Variants in RIMS1 observed in about 807,000 individuals in gnomAD.
RIMS1 encodes regulating synaptic membrane exocytosis 1, also known as regulating synaptic membrane exocytosis protein 1.
Under a neutral mutation model 214.1 loss-of-function variants are expected in RIMS1, and 83 were observed. The observed-to-expected ratio is 0.39, with a 90% CI of 0.32 to 0.47. RIMS1 has a LOEUF of 0.47. Ranked by LOEUF, RIMS1 falls within the 20% of genes least tolerant of loss-of-function variation. The pLI, the probability that RIMS1 is intolerant of heterozygous loss-of-function variation, is 0.99. For missense variants in RIMS1, 2,050 were observed against 2,161.8 expected (o/e 0.95, Z 1.03); for synonymous variants, 793 against 786.8 (o/e 1.01, Z -0.13).
intron 2 of RIMS1, among the ~76,000 whole-genome samples, chr6:72,081,506 A>G (rs898634458): frequency 3.9e-5 from 6 of 152,174 alleles, no homozygotes; most frequent in Non-Finnish European, 4.4e-5. Context: ...GACTGCTCCT[A>G]GCTTTGTATG....
At chr6:71,917,567 T>C (rs937446995) in intron 1 of RIMS1, among the ~76,000 whole-genome samples, 26 of 152,144 alleles carry the variant, frequency 1.7e-4, no homozygotes, top group African/African-American at 5.3e-4. Flanking sequence ...GAAGGTCACC[T>C]AGGGCTTGGT....
At chr6:72,226,508 C>T (rs1444051441) in intron 6 of RIMS1, among the ~76,000 whole-genome samples, 1 of 151,876 alleles carries the variant, frequency 6.6e-6, no homozygotes, top group Non-Finnish European at 1.5e-5. Context: ...TTTCTTACTA[C>T]CATCAATCCT....
intron 6 of RIMS1, among the ~76,000 whole-genome samples, chr6:72,198,607 A>G (rs2051403686): frequency 6.6e-6 from 1 of 152,032 alleles, no homozygotes; most frequent in Non-Finnish European, 1.5e-5. Context: ...TAAGTATACT[A>G]TAGTTAACAA....
chr6:72,347,929 G>C (rs910350784), intron 29 of RIMS1, among the ~76,000 whole-genome samples: 2 of 151,870 alleles, frequency 1.3e-5, no homozygotes, highest in African/African-American at 4.8e-5. Flanking sequence ...AGTAAATCAA[G>C]GGTAATGACC....
intron 1 of RIMS1, among the ~76,000 whole-genome samples, chr6:71,941,773 A>G (rs1440084001): frequency 1.3e-5 from 2 of 152,160 alleles, no homozygotes; most frequent in African/African-American, 2.4e-5. Context: ...TTCGTGGGAC[A>G]TTATCTTTCA....
chr6:72,194,485 C>A (rs1404391911), intron 6 of RIMS1, among the ~76,000 whole-genome samples: 2 of 151,816 alleles, frequency 1.3e-5, no homozygotes, highest in African/African-American at 4.8e-5. Context: ...TATGTATTTA[C>A]TGAGGTTAAA....
At chr6:72,350,577 T>C (rs572758163) in intron 29 of RIMS1, among the ~76,000 whole-genome samples, 20 of 144,552 alleles carry the variant, frequency 1.4e-4, no homozygotes, top group African/African-American at 4.8e-4. Flanking sequence ...GTAATGCCAG[T>C]TGTCTATTCT....
chr6:72,200,683 C>T (rs2051794752), intron 6 of RIMS1, among the ~76,000 whole-genome samples: 1 of 152,124 alleles, frequency 6.6e-6, no homozygotes, highest in Non-Finnish European at 1.5e-5. Context: ...ATAAACAATT[C>T]TCCCTCTTAA....
chr6:72,351,950 G>A (rs1256951461), intron 29 of RIMS1, among the ~76,000 whole-genome samples: 1 of 152,094 alleles, frequency 6.6e-6, no homozygotes, highest in Non-Finnish European at 1.5e-5. Context: ...ATTTACTTAT[G>A]AGGAAATTGA....
intron 2 of RIMS1, among the ~76,000 whole-genome samples, chr6:72,023,955 AC>A (rs1476758512): frequency 2.0e-5 from 3 of 152,106 alleles, no homozygotes; most frequent in African/African-American, 7.2e-5. Context: ...GGAAAGGTTG[AC>A]TCCTTCAAAG....
chr6:72,152,770 GTA>G (rs1188598707), intron 4 of RIMS1, among the ~76,000 whole-genome samples: 2 of 118,888 alleles, frequency 1.7e-5, no homozygotes, highest in Admixed American at 1.0e-4. Flanking sequence ...TGGAATATAT[GTA>G]TATATATGTA....
chr6:72,281,218 A>T (rs1246078906), intron 23 of RIMS1, among the ~76,000 whole-genome samples: 2 of 152,138 alleles, frequency 1.3e-5, no homozygotes, highest in South Asian at 4.1e-4. Flanking sequence ...CAATTTTCTT[A>T]TTCTTAAAAA....
Position 72,258,107 on chromosome 6 carries a change from T to C in RIMS1, c.2771-18T>C, listed in dbSNP as rs1350199083. The stretch of plus-strand genomic sequence containing the variant: ...AGAAGAATACTGACTAAATTTTTTC[T>C]GTGTGTACTTTTGCCAGTAGGCTAT... On this transcript the variant is annotated intron_variant, in intron 16 of 33. Transcript: ENST00000521978. The C allele has an allele frequency of 3.7e-6, 6 of 1,608,244 alleles. No homozygotes were observed. The highest frequency in any genetic ancestry group is 1.7e-5 in the Admixed American group (1 of 59,312).
intron 4 of RIMS1, among the ~76,000 whole-genome samples, chr6:72,124,729 A>T (rs1245882312): frequency 6.6e-6 from 1 of 151,264 alleles, no homozygotes; most frequent in Non-Finnish European, 1.5e-5. Context: ...CATTCATTTG[A>T]TCTCCAATCT....
intron 1 of RIMS1, among the ~76,000 whole-genome samples, chr6:71,961,007 T>C (rs1792797510): frequency 6.6e-6 from 1 of 152,090 alleles, no homozygotes; most frequent in Non-Finnish European, 1.5e-5. Context: ...TAGTGAATGA[T>C]AGGTGGAAAG....
chr6:71,929,851 T>C (rs1358271841), intron 1 of RIMS1, among the ~76,000 whole-genome samples: 2 of 152,028 alleles, frequency 1.3e-5, no homozygotes, highest in African/African-American at 4.8e-5. Flanking sequence ...TCCAGGACTC[T>C]GTAAAACTTG....
At chr6:71,971,511 TAC>T (rs1299718742) in intron 2 of RIMS1, among the ~76,000 whole-genome samples, 1 of 152,206 alleles carries the variant, frequency 6.6e-6, no homozygotes, top group Non-Finnish European at 1.5e-5. Context: ...TAAGAGCCAC[TAC>T]CAAGAAGTTG....
intron 2 of RIMS1, among the ~76,000 whole-genome samples, chr6:72,086,136 A>G (rs954997850): frequency 6.6e-6 from 1 of 152,168 alleles, no homozygotes; most frequent in African/African-American, 2.4e-5. Flanking sequence ...AGTCCTGGCA[A>G]AGAAGAAAAC....
intron 1 of RIMS1, among the ~76,000 whole-genome samples, chr6:71,920,700 T>G (rs1779716920): frequency 6.6e-6 from 1 of 152,184 alleles, no homozygotes; most frequent in African/African-American, 2.4e-5. Flanking sequence ...ACCTGCTTTC[T>G]CCAGTTGACT....
Sources: gnomAD v4.1 joint callset for allele counts (sites outside exome capture counted in the v4.1 genomes callset) on GRCh38, gnomAD v4.1.1 for gene constraint, MANE v1.5 for transcripts, NCBI Gene and HGNC (gene_info 2026-07-23, HGNC 2026-07-21) for gene names.